Variants in MAGIX observed in about 807,000 individuals in gnomAD.
MAGIX encodes the protein PDZ domain-containing protein MAGIX.
In MAGIX, 13 loss-of-function variants were observed where a neutral mutation model predicts 10.0. The observed-to-expected ratio is 1.30, with a 90% CI of 0.84 to 2.06. The LOEUF (loss-of-function observed/expected upper bound fraction) is 2.06. MAGIX is among the 30% of genes most tolerant of loss of function. The pLI is 0.00. For missense variants in MAGIX, 235 were observed against 245.2 expected (o/e 0.96, Z 0.28); for synonymous variants, 108 against 106.8 (o/e 1.01, Z -0.07).
chrX:49,165,166 C>T (rs782429615), intron 3 of MAGIX, 24 bp from the exon 5 acceptor site: 5 of 1,199,528 alleles, frequency 4.2e-6, no homozygotes, highest in Middle Eastern at 2.3e-4. Context: ...GCCTTTCCAA[C>T]ACGACTGCAT....
exon 3 of MAGIX, chrX:49,164,741 CACAG>C: frequency 8.3e-7 from 1 of 1,211,895 alleles, no homozygotes; most frequent in Non-Finnish European, 1.1e-6. Context: ...ACATAGAGGT[CACAG>C]ACAGTCGCCT....
At chrX:49,162,822 GGTGA>G (rs1278401830) in intron 1 of MAGIX, 10 of 657,747 alleles carry the variant, frequency 1.5e-5, no homozygotes, top group Middle Eastern at 1.0e-3. Context: ...CGGGCCGCCA[GGTGA>G]GCGCGCCCCA....
At chrX:49,166,105 T>C in exon 5 of MAGIX, 1 of 1,211,748 alleles carries the variant, frequency 8.3e-7, no homozygotes, top group Non-Finnish European at 1.1e-6. Context: ...GCCCAGATCC[T>C]GGAGGGCCGG....
rs782240658 is a variant in MAGIX at position 49,164,055 on chromosome X, G to T, written c.-55+126G>T. The T allele has an allele frequency of 1.0e-4, 69 of 669,339 alleles. No homozygotes were observed. In the South Asian group the frequency reaches 3.2e-3, roughly 31 times the overall value. The allele number at this position is 669,339 out of a possible 1,213,427, so 55.2% of individuals were successfully genotyped here. ...GTGGGGCCAAGGGGCGCGACTTGGG[G>T]CGGGGATCGGAGGGTGCTTCGAGTG... On this transcript the variant is annotated intron_variant, in intron 2 of 4. Coordinates refer to ENST00000616266, the Ensembl canonical transcript of MAGIX.
exon 2 of MAGIX, chrX:49,163,908 T>A: frequency 8.8e-6 from 9 of 1,021,001 alleles, no homozygotes; most frequent in Non-Finnish European, 1.1e-5. Flanking sequence ...GGGCGCCACA[T>A]TGCGCCTGCG....
At chrX:49,167,747 G>C (rs1267762215) in exon 5 of MAGIX, 1 of 111,781 alleles carries the variant, frequency 8.9e-6, no homozygotes, top group Non-Finnish European at 1.9e-5. Context: ...AGTCAGCAAA[G>C]GGCTCAAGAG....
At chrX:49,164,000 G>T in intron 2 of MAGIX, 71 bp downstream of exon 2, 2 of 946,471 alleles carry the variant, frequency 2.1e-6, no homozygotes, top group Non-Finnish European at 2.7e-6. Context: ...GGACAGGCCT[G>T]GGGGGTCAGC....
intron 2 of MAGIX, 137 bp downstream of exon 2, chrX:49,164,066 A>T (rs1474420542): frequency 8.4e-6 from 5 of 591,727 alleles, no homozygotes; most frequent in African/African-American, 7.3e-5. Context: ...CGGGGATCGG[A>T]GGGTGCTTCG....
exon 4 of MAGIX, chrX:49,165,277 C>T (rs1557097582): frequency 1.7e-6 from 2 of 1,182,753 alleles, no homozygotes; most frequent in South Asian, 1.9e-5. Flanking sequence ...AGCTGGAGGC[C>T]CCCAGCTCCA....
Position 49,163,949 on chromosome X carries a change from C to T in MAGIX, c.-55+20C>T. 2 of 1,007,497 alleles carry T rather than the reference C, an allele frequency of 2.0e-6. No individual in the cohort carries two copies. Among genetic ancestry groups the T allele is most frequent in the South Asian group, 3.5e-5 (1 of 28,495 alleles). The allele number at this position is 1,007,497 out of a possible 1,213,427, so 83.0% of individuals were successfully genotyped here. A position where few individuals can be genotyped will look rare whatever the true frequency, so the allele number is the denominator to read the frequency against. On this transcript the variant is annotated intron_variant, in intron 2 of 4. Transcript: ENST00000616266. Reference sequence around the variant, plus strand: ...AGGAGGGTGAGTGACTGGCGCAGGGCCTCCGCTGGGGGAGGGTTCGGAGAG... The same window carrying T: ...AGGAGGGTGAGTGACTGGCGCAGGGTCTCCGCTGGGGGAGGGTTCGGAGAG...
At chrX:49,166,307 G>T (rs1557098048) in exon 5 of MAGIX, 1 of 1,180,091 alleles carries the variant, frequency 8.5e-7, no homozygotes, top group Admixed American at 2.4e-5. Context: ...GCCCTGGCTA[G>T]TGCCCAGCGA....
chrX:49,167,798 T>C (rs781845981), exon 5 of MAGIX: 1 of 112,030 alleles, frequency 8.9e-6, no homozygotes, highest in Non-Finnish European at 1.9e-5. Context: ...AGACTAATAA[T>C]AGTAACCCCA....
At chrX:49,166,276 C>T in exon 5 of MAGIX, 1 of 1,193,102 alleles carries the variant, frequency 8.4e-7, no homozygotes, top group Non-Finnish European at 1.1e-6. Flanking sequence ...ATCCCAACGA[C>T]CAGATCCCGG....
chrX:49,162,861 C>T (rs2065338123), intron 1 of MAGIX: 2 of 898,316 alleles, frequency 2.2e-6, no homozygotes, highest in Non-Finnish European at 3.0e-6. Flanking sequence ...TAGCTGGCAG[C>T]CCTGCGTCCA....
chrX:49,165,438 C>G, intron 4 of MAGIX, 77 bp downstream of exon 5: 1 of 973,119 alleles, frequency 1.0e-6, no homozygotes, highest in South Asian at 2.5e-5. Flanking sequence ...AGCTGAGATT[C>G]TGGGTGGGAA....
chrX:49,168,172 GAATA>G (rs781941185), exon 5 of MAGIX: 13 of 111,894 alleles, frequency 1.2e-4, no homozygotes, highest in African/African-American at 3.2e-4. Flanking sequence ...ACGAGAAAAT[GAATA>G]AATAAAAAAC....
At chrX:49,163,691 C>A in intron 1 of MAGIX, 92 bp from the exon 2 acceptor site, 1 of 878,380 alleles carries the variant, frequency 1.1e-6, no homozygotes, top group Non-Finnish European at 1.4e-6. Context: ...GCCGGGTATC[C>A]TGAGGGGCAT....
At chrX:49,165,860 T>G in intron 4 of MAGIX, 1 of 411,062 alleles carries the variant, frequency 2.4e-6, no homozygotes, top group Non-Finnish European at 4.2e-6. Flanking sequence ...TGGGAAATGA[T>G]TTCTGAGGGG....
At chrX:49,165,976 C>T (rs2065363652) in intron 4 of MAGIX, 98 bp from the exon 6 acceptor site, 1 of 852,963 alleles carries the variant, frequency 1.2e-6, no homozygotes, top group Non-Finnish European at 1.7e-6. Context: ...CTCTAAGGGT[C>T]AGGGTCTCAT....
Sources: allele counts gnomAD v4.1 joint callset, GRCh38; gene constraint gnomAD v4.1.1; transcripts MANE v1.5; gene names NCBI Gene and HGNC (gene_info 2026-07-23, HGNC 2026-07-21).